KANK4: variants seen among roughly 807,000 people sequenced by gnomAD.
KANK4 encodes KN motif and ankyrin repeat domains 4.
In KANK4, 50 loss-of-function variants were observed where a neutral mutation model predicts 80.8. The observed-to-expected ratio is 0.62, with a 90% CI of 0.49 to 0.78. The LOEUF (loss-of-function observed/expected upper bound fraction) is 0.78, where lower values mean the gene tolerates loss of function less well. Among genes scored for constraint, KANK4 ranks in the 30% least tolerant of loss-of-function variants. The pLI is 0.00. For synonymous variants in KANK4, 465 were observed against 506.9 expected (o/e 0.92, Z 1.11); for missense variants, 1,196 against 1,240.1 (o/e 0.96, Z 0.53).
rs373431431 is a variant in KANK4 at position 62,273,782 on chromosome 1, T to C, written c.1322A>G (p.Glu441Gly). ...GIEVNLLGSMESESWGHRGEE... is the reference protein window; with the variant it reads ...GIEVNLLGSMGSESWGHRGEE... ...TCCTCGGTGCCCCCAGCTTTCAGAC[T>C]CCATGCTGCCTAGAAGGTTGACTTC... Residue 441 changes from glutamate (E) to glycine (G), a missense_variant, in exon 3 of 10, where the codon GAG becomes GGG. By Grantham distance (98) the Glu-to-Gly change is moderately conservative (BLOSUM62 -2). Coordinates refer to ENST00000371153, the MANE Select transcript of KANK4 (RefSeq NM_181712.5). 13 of 1,613,998 alleles carry C rather than the reference T, an allele frequency of 8.1e-6. No individual in the cohort carries two copies. In the African/African-American group the frequency reaches 1.6e-4, roughly 20 times the overall value.
intron 3 of KANK4, chr1:62,272,925 G>A: frequency 4.1e-6 from 1 of 243,654 alleles, no homozygotes; most frequent in East Asian, 7.8e-5. Context: ...CAAGTAGCTG[G>A]GATTACAGGC....
At chr1:62,256,081 C>T (rs1023356737) in intron 7 of KANK4, among the ~76,000 whole-genome samples, 5 of 152,184 alleles carry the variant, frequency 3.3e-5, no homozygotes, top group African/African-American at 9.7e-5. Flanking sequence ...TTTAGCTCAT[C>T]GGCTATCATT....
intron 1 of KANK4, among the ~76,000 whole-genome samples, chr1:62,295,282 T>C (rs1037866320): frequency 5.9e-5 from 9 of 152,006 alleles, no homozygotes; most frequent in African/African-American, 2.2e-4. Context: ...ACAGGGACTA[T>C]AGGCGCCCGC....
chr1:62,264,398 C>T (rs970829757), intron 6 of KANK4, among the ~76,000 whole-genome samples: 1 of 151,998 alleles, frequency 6.6e-6, no homozygotes, highest in Non-Finnish European at 1.5e-5. Flanking sequence ...GCAACAAGAG[C>T]GAAACTCCGT....
intron 1 of KANK4, among the ~76,000 whole-genome samples, chr1:62,293,867 C>G (rs1644333166): frequency 6.6e-6 from 1 of 152,146 alleles, no homozygotes; most frequent in Non-Finnish European, 1.5e-5. Context: ...CCCACCTCCC[C>G]AAGATTGAAA....
Position 62,238,632 on chromosome 1 carries a change from C to CTTT in KANK4, c.2884-254_2884-252dup, listed in dbSNP as rs199999610. ...GAAGGGCCATCTAGTTTTTAATGCT[C>CTTT]TTTTTTTTTTTTTTTGAGATGGAGT... On this transcript the variant is annotated intron_variant, in intron 9 of 9. Coordinates refer to ENST00000371153, the MANE Select transcript of KANK4 (RefSeq NM_181712.5). Among the ~76,000 whole-genome samples the CTTT allele has an allele frequency of 2.7e-3, 385 of 142,222 alleles. 6 individuals carry two copies. Among genetic ancestry groups the CTTT allele is most frequent in the Admixed American group, 3.3e-3 (47 of 14,088 alleles). The allele number at this position is 142,222 out of a possible 152,430, so 93.3% of individuals were successfully genotyped here.
chr1:62,256,625 C>T (rs148852856), intron 7 of KANK4, among the ~76,000 whole-genome samples: 2,407 of 152,120 alleles, frequency 0.016, 63 homozygotes, highest in African/African-American at 0.054. Context: ...TCAGGTGATC[C>T]GCGCACCTCG....
At chr1:62,307,707 G>A (rs2149171074) in intron 1 of KANK4, among the ~76,000 whole-genome samples, 1 of 151,810 alleles carries the variant, frequency 6.6e-6, no homozygotes, top group South Asian at 2.1e-4. Flanking sequence ...TCACCTTCCA[G>A]CCAGGTGTGG....
At chr1:62,310,148 G>A (rs1644486440) in intron 1 of KANK4, among the ~76,000 whole-genome samples, 1 of 152,192 alleles carries the variant, frequency 6.6e-6, no homozygotes, top group Admixed American at 6.5e-5. Flanking sequence ...GGAATCATCA[G>A]TCCCAGGGCA....
rs141263563 is a variant in KANK4 at position 62,274,877 on chromosome 1, G to A, written c.227C>T (p.Pro76Leu). 2.1e-5 allele frequency: 34 copies of A among 1,614,140 alleles called. No homozygotes were observed. The African/African-American group carries it at 4.4e-4, about 21-fold the overall frequency. ...TGCAGGGGGGCGAGCCCCACTGTCA[G>A]GAAGGCTGAAGTTTCGGGGCAGAGT... ...FSTLPRNFSLPDSGARPPAAP... is the reference protein window; with the variant it reads ...FSTLPRNFSLLDSGARPPAAP... The change falls in exon 3 of 10, where the codon CCT (proline) becomes CTT (leucine). Residue 76 changes from proline (P) to leucine (L), a missense_variant. Transcript: ENST00000371153.
intron 7 of KANK4, among the ~76,000 whole-genome samples, 200 bp from the exon 8 acceptor site, chr1:62,253,409 C>CTTTTTTTTTTTTTTTTTTTTTCTTT (rs34488630): frequency 9.0e-6 from 1 of 110,982 alleles, no homozygotes; most frequent in African/African-American, 3.4e-5. Context: ...TTCTTTCTTT[C>CTTTTTTTTTTTTTTTTTTTTTCTTT]TTTTTTTTTT....
chr1:62,271,757 C>A, intron 3 of KANK4, 168 bp from the exon 4 acceptor site: 1 of 569,124 alleles, frequency 1.8e-6, no homozygotes, highest in Non-Finnish European at 3.2e-6. Flanking sequence ...CTTGGAGGAG[C>A]CTTGCTTTCT....
At chr1:62,300,231 A>G (rs1333647545) in intron 1 of KANK4, among the ~76,000 whole-genome samples, 8 of 152,164 alleles carry the variant, frequency 5.3e-5, no homozygotes, top group Non-Finnish European at 8.8e-5. Flanking sequence ...ATGAAGTTCA[A>G]TAGCCCAGTA....
At chr1:62,253,555 G>C (rs908032663) in intron 7 of KANK4, among the ~76,000 whole-genome samples, 1 of 145,922 alleles carries the variant, frequency 6.9e-6, no homozygotes, top group African/African-American at 2.5e-5. Flanking sequence ...GATTACAGGC[G>C]TGCGCCACCA....
chr1:62,239,828 T>A (rs1410657157), intron 9 of KANK4, among the ~76,000 whole-genome samples: 1 of 152,214 alleles, frequency 6.6e-6, no homozygotes, highest in Non-Finnish European at 1.5e-5. Flanking sequence ...TCCATGTCCC[T>A]ACAAAGGACA....
chr1:62,291,499 T>A (rs1183960238), intron 1 of KANK4, among the ~76,000 whole-genome samples: 1 of 152,224 alleles, frequency 6.6e-6, no homozygotes, highest in Non-Finnish European at 1.5e-5. Flanking sequence ...TGGAGTGCAG[T>A]GGCACAATCA....
At chr1:62,243,690 T>C (rs11207946) in intron 9 of KANK4, among the ~76,000 whole-genome samples, 53,055 of 152,040 alleles carry the variant, frequency 0.35, 10,179 homozygotes, top group Non-Finnish European at 0.43. Context: ...TGTTTAGCTG[T>C]ATCCCTGGCC....
At chr1:62,283,457 A>G (rs1310792288) in intron 1 of KANK4, among the ~76,000 whole-genome samples, 3 of 152,196 alleles carry the variant, frequency 2.0e-5, no homozygotes, top group African/African-American at 7.2e-5. Flanking sequence ...CCTCAAGTCT[A>G]GCCGACTCCA....
At chr1:62,296,501 T>C (rs1457719963) in intron 1 of KANK4, among the ~76,000 whole-genome samples, 1 of 152,220 alleles carries the variant, frequency 6.6e-6, no homozygotes, top group Non-Finnish European at 1.5e-5. Flanking sequence ...TGTAGGAAAT[T>C]ACTTAGAAGG....
Sources: gnomAD v4.1 joint callset for allele counts (sites outside exome capture counted in the v4.1 genomes callset) on GRCh38, gnomAD v4.1.1 for gene constraint, MANE v1.5 for transcripts, NCBI Gene and HGNC (gene_info 2026-07-23, HGNC 2026-07-21) for gene names.